Variants in NGLY1 observed in about 807,000 individuals in gnomAD.
NGLY1 encodes the protein N-glycanase 1, also known as peptide-N(4)-(N-acetyl-beta-glucosaminyl)asparagine amidase.
In NGLY1, 68 loss-of-function variants were observed where a neutral mutation model predicts 84.6. The ratio of observed to expected loss-of-function variants is 0.80; its 90% confidence interval spans 0.66 to 0.98. The LOEUF is 0.98. NGLY1 is among the 50% of genes least tolerant of loss of function. The probability of loss-of-function intolerance (pLI) is 0.00; values close to 1 mark genes in which losing one functional copy is unlikely to be tolerated. For synonymous variants in NGLY1, 280 were observed against 275.2 expected (o/e 1.02, Z -0.17); for missense variants, 779 against 770.2 (o/e 1.01, Z -0.14).
At chr3:25,736,239 T>C in intron 6 of NGLY1, 90 bp from the exon 7 acceptor site, 3 of 1,558,330 alleles carry the variant, frequency 1.9e-6, no homozygotes, top group Non-Finnish European at 2.6e-6. Flanking sequence ...CTAAGAATCA[T>C]AAAGTAATGC....
In NGLY1 at chr3:25,733,357, G is replaced by A. The variant is rs540293509; in HGVS notation, c.1260+515C>T. On this transcript the variant is annotated intron_variant, in intron 8 of 11. Coordinates refer to ENST00000280700, the MANE Select transcript of NGLY1 (RefSeq NM_018297.4). ...TAAAAATTTCAATACTATCAAAGGG[G>A]TATAAAACAAAAATTGAACCTTTCA... Among the ~76,000 whole-genome samples the A allele has an allele frequency of 2.6e-5, 4 of 152,070 alleles. No homozygotes were observed. The East Asian group carries it at 7.7e-4, about 29-fold the overall frequency.
At chr3:25,772,694 T>G (rs79277853) in intron 2 of NGLY1, among the ~76,000 whole-genome samples, 1 of 24,056 alleles carries the variant, frequency 4.2e-5, no homozygotes, top group Non-Finnish European at 5.9e-4. Context: ...GAATACTTTG[T>G]TTTTTTTTCA....
rs1706630441 is a variant in NGLY1, at chr3:25,749,716, G to T, written c.658+1382C>A. On this transcript the variant is annotated intron_variant, in intron 4 of 11. Coordinates refer to ENST00000280700, the MANE Select transcript of NGLY1 (RefSeq NM_018297.4). The stretch of plus-strand genomic sequence containing the variant: ...ACATGCTGCCCAGTGGCTTCCAGAA[G>T]TTCCTGGTCCACAACGTCAAGGAGC... The T allele has an allele frequency of 3.2e-6, 5 of 1,582,592 alleles. No individual in the cohort carries two copies. In the South Asian group the frequency reaches 5.5e-5, roughly 17 times the overall value.
At chr3:25,764,020 A>C (rs1707434137) in intron 3 of NGLY1, 46 bp downstream of exon 3, 1 of 1,601,492 alleles carries the variant, frequency 6.2e-7, no homozygotes, top group South Asian at 1.1e-5. Flanking sequence ...TTGCTGTTTC[A>C]ACACTTTGAA....
rs1481258137 is a variant in NGLY1, at chr3:25,764,076, G to A, written c.482C>T (p.Ser161Phe). ...NRQGQSSDPP[S>F]ASTVAADSAI... Reference sequence around the variant, plus strand: ...TAATTCTAACATTACCGTTGAAGCAGATGGTGGATCTGATGACTGCCCTTG... The same window carrying A: ...TAATTCTAACATTACCGTTGAAGCAAATGGTGGATCTGATGACTGCCCTTG... Residue 161 changes from serine to phenylalanine, a missense_variant, in exon 3 of 12, where the codon TCT (serine) becomes TTT (phenylalanine). Physicochemically the swap from Ser to Phe is radical, Grantham distance 155. Coordinates refer to ENST00000280700, the MANE Select transcript of NGLY1 (RefSeq NM_018297.4). 1 of 1,614,138 alleles carries A rather than the reference G, an allele frequency of 6.2e-7. No individual in the cohort carries two copies. The highest frequency in any genetic ancestry group is 1.1e-5 in the South Asian group (1 of 91,074).
intron 4 of NGLY1, among the ~76,000 whole-genome samples, chr3:25,740,371 G>C (rs1035317811): frequency 6.6e-6 from 1 of 151,988 alleles, no homozygotes; most frequent in Non-Finnish European, 1.5e-5. Context: ...AACAACCCTA[G>C]TAAGTTATAA....
At chr3:25,756,756 G>A (rs1235951932) in intron 3 of NGLY1, among the ~76,000 whole-genome samples, 3 of 152,008 alleles carry the variant, frequency 2.0e-5, no homozygotes, top group African/African-American at 7.3e-5. Context: ...ATATAAGATG[G>A]GATCAAACCT....
intron 4 of NGLY1, among the ~76,000 whole-genome samples, chr3:25,744,895 G>A (rs912443719): frequency 6.6e-6 from 1 of 152,172 alleles, no homozygotes; most frequent in Non-Finnish European, 1.5e-5. Context: ...GAGCCGAAAA[G>A]ACAGAAGGCA....
chr3:25,752,958 C>T (rs1449009768), intron 3 of NGLY1, among the ~76,000 whole-genome samples: 2 of 151,784 alleles, frequency 1.3e-5, no homozygotes, highest in East Asian at 1.9e-4. Context: ...AACAAACAGA[C>T]ATTGAGGATA....
At position 25,719,055 on chromosome 3, in the gene NGLY1, A is replaced by T. The variant is rs1704844422; in HGVS notation, c.*405T>A. 1 of 153,408 alleles carries T rather than the reference A, an allele frequency of 6.5e-6. No homozygotes were observed. The highest frequency in any genetic ancestry group is 6.5e-5 in the Admixed American group (1 of 15,354). 9.5% of individuals were successfully genotyped at this position (153,408 alleles called of 1,614,324 possible). Reference sequence around the variant, plus strand: ...CTGTACTTTCACATTAATTAAAAATATTAGGAGACTCTAATTTAACCACTT... The same window carrying T: ...CTGTACTTTCACATTAATTAAAAATTTTAGGAGACTCTAATTTAACCACTT... On this transcript the variant is annotated 3_prime_UTR_variant, in exon 12 of 12. Coordinates refer to ENST00000280700, the MANE Select transcript of NGLY1 (RefSeq NM_018297.4).
intron 2 of NGLY1, among the ~76,000 whole-genome samples, chr3:25,769,563 C>A (rs1237643704): frequency 1.3e-5 from 2 of 151,838 alleles, no homozygotes; most frequent in African/African-American, 4.8e-5. Context: ...TAAATGCTGG[C>A]AAGGATGCAA....
In NGLY1 at chr3:25,783,395, G is replaced by A; in HGVS notation, c.-5C>T. On this transcript the variant is annotated 5_prime_UTR_variant, in exon 1 of 12. Coordinates refer to ENST00000280700, the MANE Select transcript of NGLY1 (RefSeq NM_018297.4). The surrounding 1 kb of genome is among the most constrained non-coding windows in gnomAD (Gnocchi z 4.5). The stretch of plus-strand genomic sequence containing the variant: ...GCCCAATGCCGCCGCCGCCATGCTT[G>A]AGCGCCAGCGGGCGCCGCCGCCGCC... 6.5e-7 allele frequency: 1 copy of A among 1,528,878 alleles called. No individual in the cohort carries two copies. Among genetic ancestry groups the A allele is most frequent in the Non-Finnish European group, 8.8e-7 (1 of 1,139,122 alleles). The allele number at this position is 1,528,878 out of a possible 1,614,324, so 94.7% of individuals were successfully genotyped here. A position where few individuals can be genotyped will look rare whatever the true frequency, so the allele number is the denominator to read the frequency against.
chr3:25,766,276 A>G (rs1396123156), intron 2 of NGLY1, among the ~76,000 whole-genome samples: 1 of 152,152 alleles, frequency 6.6e-6, no homozygotes, highest in African/African-American at 2.4e-5. Context: ...CACGTTGGTC[A>G]GGCTGGTCTC....
intron 4 of NGLY1, among the ~76,000 whole-genome samples, chr3:25,748,771 T>C (rs1466341603): frequency 6.6e-6 from 1 of 152,208 alleles, no homozygotes; most frequent in Non-Finnish European, 1.5e-5. Flanking sequence ...ATATGGTTTC[T>C]GTTAGATTCA....
intron 6 of NGLY1, chr3:25,736,377 T>A (rs1419105207): frequency 6.4e-7 from 1 of 1,551,416 alleles, no homozygotes; most frequent in Middle Eastern, 1.7e-4. Flanking sequence ...GTGGTCAGTT[T>A]TAGGCTTAAT....
upstream of NGLY1, among the ~76,000 whole-genome samples, chr3:25,786,135 CAG>C (rs1708596920): frequency 6.6e-6 from 1 of 152,116 alleles, no homozygotes; most frequent in Non-Finnish European, 1.5e-5. Context: ...GGAAAATTTA[CAG>C]AGTTCTTTCT....
chr3:25,737,225 T>A (rs183599158), intron 6 of NGLY1, 109 bp downstream of exon 6: 1 of 872,462 alleles, frequency 1.1e-6, no homozygotes, highest in African/African-American at 1.7e-5. Context: ...AAATGGAAGG[T>A]CAGACTGACA....
Position 25,778,662 on chromosome 3 carries a change from G to A in NGLY1, c.158C>T (p.Ser53Phe). 6.2e-7 allele frequency: 1 copy of A among 1,607,730 alleles called. No individual in the cohort carries two copies. Among genetic ancestry groups the A allele is most frequent in the South Asian group, 1.1e-5 (1 of 89,550 alleles). Residue 53 changes from serine (S) to phenylalanine (F), a missense_variant, in exon 2 of 12, where the codon TCC (serine) becomes TTC (phenylalanine). Ser to Phe is a radical substitution (Grantham distance 155). Transcript: ENST00000280700. ...AAAGGCTGTGTTTCCAATCCGGATG[G>A]ATCTATATTTTTCATCATTAGGGTT... ...LRNPNDEKYR[S>F]IRIGNTAFST...
intron 8 of NGLY1, among the ~76,000 whole-genome samples, chr3:25,733,478 TG>T (rs1705653894): frequency 7.4e-6 from 1 of 134,312 alleles, no homozygotes; most frequent in African/African-American, 2.7e-5. Flanking sequence ...TGTGTGTGTG[TG>T]TGTGTGTGTG....
Sources: allele counts gnomAD v4.1 joint callset (sites outside exome capture counted in the v4.1 genomes callset), GRCh38; gene constraint gnomAD v4.1.1; non-coding constraint Gnocchi (gnomAD v3.1); transcripts MANE v1.5; gene names NCBI Gene and HGNC (gene_info 2026-07-23, HGNC 2026-07-21).